MSH3: variants seen among roughly 807,000 people sequenced by gnomAD.
MSH3 encodes the protein mutS homolog 3, also known as DNA mismatch repair protein Msh3.
MSH3 carries 106 observed loss-of-function variants against 123.3 expected under a neutral mutation model. That is an observed-to-expected ratio of 0.86 (90% confidence interval 0.73 to 1.01). The LOEUF (loss-of-function observed/expected upper bound fraction) is 1.01. MSH3 is among the 50% of genes least tolerant of loss of function. The probability of loss-of-function intolerance (pLI) is 0.00; values close to 1 mark genes in which losing one functional copy is unlikely to be tolerated. For synonymous variants in MSH3, 515 were observed against 481.4 expected (o/e 1.07, Z -0.91); for missense variants, 1,459 against 1,347.6 (o/e 1.08, Z -1.29).
intron 15 of MSH3, 105 bp downstream of exon 15, chr5:80,769,108 A>G: frequency 2.9e-6 from 3 of 1,049,576 alleles, no homozygotes; most frequent in Non-Finnish European, 4.2e-6. Flanking sequence ...TATCTTTTCA[A>G]ATTTTCTGTT....
At chr5:80,778,886 G>C (rs1198669156) in intron 17 of MSH3, 50 bp downstream of exon 17, 2 of 1,061,900 alleles carry the variant, frequency 1.9e-6, no homozygotes, top group Non-Finnish European at 2.9e-6. Flanking sequence ...ATCAGAAACA[G>C]ACTGGAAAAA....
chr5:80,856,556 TGG>T (rs1245400265), intron 21 of MSH3, among the ~76,000 whole-genome samples: 1 of 63,752 alleles, frequency 1.6e-5, no homozygotes, highest in African/African-American at 6.4e-5. Flanking sequence ...TGTTGTGGGG[TGG>T]GGGGAGGGGG....
chr5:80,676,090 G>A (rs1366082173), intron 7 of MSH3, among the ~76,000 whole-genome samples: 1 of 152,270 alleles, frequency 6.6e-6, no homozygotes, highest in East Asian at 1.9e-4. Context: ...GAGTGCAATG[G>A]CGTGATCTTG....
chr5:80,801,054 A>G (rs1389776150), intron 19 of MSH3, among the ~76,000 whole-genome samples: 3 of 152,206 alleles, frequency 2.0e-5, no homozygotes, highest in Non-Finnish European at 4.4e-5. Flanking sequence ...GAGAGCAGAA[A>G]TCAAGTCTGG....
chr5:80,826,798 C>T (rs1163575962), intron 20 of MSH3, among the ~76,000 whole-genome samples: 2 of 151,900 alleles, frequency 1.3e-5, no homozygotes, highest in East Asian at 1.9e-4. Context: ...ATCCACCTGC[C>T]TCGGCCTCCA....
Position 80,670,154 on chromosome 5 carries a change from T to G in MSH3, c.637T>G (p.Leu213Val), listed in dbSNP as rs1749671543. ...FGSSNTSHENLQKTASKSANK... is the reference protein window; with the variant it reads ...FGSSNTSHENVQKTASKSANK... ...ATCATCAAATACAAGTCATGAAAAT[T>G]TACAGAAAACTGCTTCCAAATCAGC... The change falls in exon 4 of 24, where the codon TTA (leucine) becomes GTA (valine). Residue 213 changes from leucine (L) to valine (V), a missense_variant. Leu to Val is a conservative substitution (Grantham distance 32, BLOSUM62 1). Transcript: ENST00000265081. 6.2e-7 allele frequency: 1 copy of G among 1,614,022 alleles called. No individual in the cohort carries two copies. The highest frequency in any genetic ancestry group is 1.3e-5 in the African/African-American group (1 of 74,920).
At chr5:80,656,575 G>C in intron 2 of MSH3, 44 bp downstream of exon 2, 1 of 1,612,754 alleles carries the variant, frequency 6.2e-7, no homozygotes, top group Non-Finnish European at 8.5e-7. Flanking sequence ...CATGGCTCTG[G>C]TATTCTGGAA....
At chr5:80,717,712 G>T (rs1158518984) in intron 8 of MSH3, among the ~76,000 whole-genome samples, 1 of 152,128 alleles carries the variant, frequency 6.6e-6, no homozygotes, top group African/African-American at 2.4e-5. Context: ...CAGGAATGAG[G>T]TAAATATGTC....
At chr5:80,679,624 T>G (rs1749924354) in intron 8 of MSH3, among the ~76,000 whole-genome samples, 1 of 152,238 alleles carries the variant, frequency 6.6e-6, no homozygotes, top group African/African-American at 2.4e-5. Flanking sequence ...TGGTTTTGTT[T>G]ACTGGATCTA....
chr5:80,818,500 T>C (rs925356337), intron 20 of MSH3, among the ~76,000 whole-genome samples: 3 of 151,420 alleles, frequency 2.0e-5, no homozygotes, highest in African/African-American at 7.3e-5. Context: ...CATACAGATC[T>C]TAATTCAATC....
chr5:80,753,285 C>T (rs1237128213), intron 12 of MSH3, among the ~76,000 whole-genome samples: 1 of 152,120 alleles, frequency 6.6e-6, no homozygotes, highest in African/African-American at 2.4e-5. Context: ...AGGGGGAAGG[C>T]TGGGTGCTTG....
At chr5:80,873,674 T>C (rs943652325) in intron 23 of MSH3, among the ~76,000 whole-genome samples, 3 of 152,174 alleles carry the variant, frequency 2.0e-5, no homozygotes, top group Non-Finnish European at 2.9e-5. Context: ...AGAAATTCTA[T>C]CAGAGCATTA....
chr5:80,828,961 C>T (rs941202110), intron 20 of MSH3, among the ~76,000 whole-genome samples: 6 of 152,206 alleles, frequency 3.9e-5, no homozygotes, highest in African/African-American at 1.4e-4. Context: ...GCTGGCAGTT[C>T]TACAGTTCTG....
At chr5:80,828,701 G>A (rs896870012) in intron 20 of MSH3, among the ~76,000 whole-genome samples, 4 of 152,162 alleles carry the variant, frequency 2.6e-5, no homozygotes, top group Non-Finnish European at 5.9e-5. Context: ...CATTTCATAA[G>A]GGAGAGATAG....
At chr5:80,770,518 A>G (rs1383858095) in intron 15 of MSH3, among the ~76,000 whole-genome samples, 1 of 152,172 alleles carries the variant, frequency 6.6e-6, no homozygotes, top group Non-Finnish European at 1.5e-5. Context: ...GTAGGTGCCT[A>G]CATATATTAT....
chr5:80,808,873 A>ATCTATATATATATC (rs1554074172), intron 19 of MSH3, among the ~76,000 whole-genome samples: 8 of 137,032 alleles, frequency 5.8e-5, no homozygotes, highest in East Asian at 4.4e-4. Flanking sequence ...ATATATATAT[A>ATCTATATATATATC]TATATATATA....
chr5:80,820,159 A>G (rs1230083992), intron 20 of MSH3, among the ~76,000 whole-genome samples: 2 of 152,256 alleles, frequency 1.3e-5, no homozygotes, highest in East Asian at 3.8e-4. Context: ...AAATGGAGCC[A>G]TGACTGAGGC....
Position 80,744,617 on chromosome 5 carries a change from T to C in MSH3, c.1763+2T>C, listed in dbSNP as rs376456666. Reference sequence around the variant, plus strand: ...GACCCAGCCACTCCTTAAATTAAGGTAAAAGGAATTCTTTTTGGGGTGTTT... The same window carrying C: ...GACCCAGCCACTCCTTAAATTAAGGCAAAAGGAATTCTTTTTGGGGTGTTT... On this transcript the variant is annotated splice_donor_variant, in intron 12 of 23. Coordinates refer to ENST00000265081, the MANE Select transcript of MSH3 (RefSeq NM_002439.5). LOFTEE classifies it high-confidence loss of function. 2.5e-6 allele frequency: 4 copies of C among 1,599,044 alleles called. No homozygotes were observed. The highest frequency in any genetic ancestry group is 2.2e-5 in the East Asian group (1 of 44,768).
At chr5:80,703,900 CAG>C (rs1750663778) in intron 8 of MSH3, among the ~76,000 whole-genome samples, 2 of 151,870 alleles carry the variant, frequency 1.3e-5, no homozygotes, top group South Asian at 2.1e-4. Flanking sequence ...TTCATAATCT[CAG>C]GGGAATCTTT....
Sources: allele counts gnomAD v4.1 joint callset (sites outside exome capture counted in the v4.1 genomes callset), GRCh38; gene constraint gnomAD v4.1.1; transcripts MANE v1.5; gene names NCBI Gene and HGNC (gene_info 2026-07-23, HGNC 2026-07-21).